SLC9A9: variants seen among roughly 807,000 people sequenced by gnomAD.
SLC9A9 encodes the protein sodium/hydrogen exchanger 9.
A neutral mutation model predicts 77.8 loss-of-function variants in SLC9A9; 62 were observed. That is an observed-to-expected ratio of 0.80 (90% CI 0.65 to 0.98). SLC9A9 has a LOEUF of 0.98. Ranked by LOEUF, SLC9A9 falls within the 50% of genes least tolerant of loss-of-function variation. The pLI, the probability that SLC9A9 is intolerant of heterozygous loss-of-function variation, is 0.00. For synonymous variants in SLC9A9, 320 were observed against 283.5 expected (o/e 1.13, Z -1.29); for missense variants, 775 against 774.9 (o/e 1.00, Z 0.00).
chr3:143,559,237 C>T (rs2037041192), intron 8 of SLC9A9, among the ~76,000 whole-genome samples: 1 of 152,076 alleles, frequency 6.6e-6, no homozygotes, highest in African/African-American at 2.4e-5. Context: ...AATACACAGC[C>T]TTTATATTGG....
chr3:143,717,052 C>T (rs1934375080), intron 4 of SLC9A9, among the ~76,000 whole-genome samples: 1 of 152,124 alleles, frequency 6.6e-6, no homozygotes. Flanking sequence ...AAAAGACTTC[C>T]CTGAGAGCCT....
chr3:143,829,900 G>A (rs570547915), intron 2 of SLC9A9, among the ~76,000 whole-genome samples: 53 of 152,216 alleles, frequency 3.5e-4, no homozygotes, highest in African/African-American at 1.2e-3. Context: ...TGCAGAATAG[G>A]TTTTAAGCTC....
intron 14 of SLC9A9, among the ~76,000 whole-genome samples, chr3:143,351,944 A>G (rs2032465920): frequency 6.6e-6 from 1 of 152,048 alleles, no homozygotes. Flanking sequence ...AAGGGGGAAA[A>G]AAAGGAAAAA....
chr3:143,792,754 C>T (rs545756256), intron 4 of SLC9A9, among the ~76,000 whole-genome samples: 110 of 152,314 alleles, frequency 7.2e-4, no homozygotes, highest in Non-Finnish European at 1.3e-3. Context: ...TTTCACCAAG[C>T]TAATGACTCT....
Position 143,832,231 on chromosome 3 carries a change from A to C in SLC9A9, c.176-10T>G, listed in dbSNP as rs1485596898. On this transcript the variant is annotated splice_polypyrimidine_tract_variant and intron_variant, in intron 1 of 15. Coordinates refer to ENST00000316549, the MANE Select transcript of SLC9A9 (RefSeq NM_173653.4). Reference sequence around the variant, plus strand: ...AGTCCCATTATAAGGCCTAAAAAAAAAAGAATAAATAATGGTACTGGAGGA... The same window carrying C: ...AGTCCCATTATAAGGCCTAAAAAAACAAGAATAAATAATGGTACTGGAGGA... 4 of 1,607,748 alleles carry C rather than the reference A, an allele frequency of 2.5e-6. No individual in the cohort carries two copies. Among genetic ancestry groups the C allele is most frequent in the Non-Finnish European group, 3.4e-6 (4 of 1,177,476 alleles).
At chr3:143,606,426 C>CTA (rs1341835201) in intron 6 of SLC9A9, among the ~76,000 whole-genome samples, 5 of 73,980 alleles carry the variant, frequency 6.8e-5, no homozygotes, top group East Asian at 4.8e-4. Context: ...CTCTCTCTCT[C>CTA]TCTCTCTCTC....
At chr3:143,750,263 T>G (rs1382271570) in intron 4 of SLC9A9, among the ~76,000 whole-genome samples, 1 of 152,246 alleles carries the variant, frequency 6.6e-6, no homozygotes. Flanking sequence ...TAACTTTCAG[T>G]GGAGGCTTTA....
chr3:143,493,347 T>C (rs1314374221), intron 11 of SLC9A9, among the ~76,000 whole-genome samples: 1 of 152,130 alleles, frequency 6.6e-6, no homozygotes. Flanking sequence ...ATAATTCAAA[T>C]TCCCCAGTAT....
chr3:143,362,089 A>C (rs1245496907), intron 14 of SLC9A9, among the ~76,000 whole-genome samples: 7 of 152,140 alleles, frequency 4.6e-5, no homozygotes, highest in Non-Finnish European at 1.0e-4. Flanking sequence ...AGGAGCAAAA[A>C]CCAGCAATAA....
chr3:143,473,759 A>G (rs1227839258), intron 11 of SLC9A9, among the ~76,000 whole-genome samples: 2 of 152,214 alleles, frequency 1.3e-5, no homozygotes, highest in African/African-American at 2.4e-5. Context: ...ATCTCCTTAC[A>G]TAGTTCTTAT....
chr3:143,763,301 T>C (rs575688943), intron 4 of SLC9A9, among the ~76,000 whole-genome samples: 1 of 152,290 alleles, frequency 6.6e-6, no homozygotes. Flanking sequence ...GCCATTTAGT[T>C]CACAGCCTTA....
chr3:143,540,415 T>C lies in SLC9A9; in HGVS notation c.1089+11947A>G, dbSNP rs113105481. 5.3e-5 allele frequency among the ~76,000 whole-genome samples: 8 copies of C among 152,264 alleles called. 1 individual carries two copies. Among genetic ancestry groups the C allele is most frequent in the African/African-American group, 1.9e-4 (8 of 41,544 alleles). On this transcript the variant is annotated intron_variant, in intron 9 of 15. Coordinates refer to ENST00000316549, the MANE Select transcript of SLC9A9 (RefSeq NM_173653.4). ...ACCTATTAAGGCCCTCTCAGGGTTGTAGTAAAGCAGGGAAATAAAAAAATG... is the reference window on the plus strand; with the variant it reads ...ACCTATTAAGGCCCTCTCAGGGTTGCAGTAAAGCAGGGAAATAAAAAAATG...
intron 8 of SLC9A9, among the ~76,000 whole-genome samples, chr3:143,567,418 T>C (rs1184710268): frequency 1.3e-5 from 2 of 152,176 alleles, no homozygotes; most frequent in Non-Finnish European, 2.9e-5. Context: ...TCCATTTCTC[T>C]GTACATACTC....
At chr3:143,566,161 T>G (rs763307893) in intron 8 of SLC9A9, among the ~76,000 whole-genome samples, 4 of 152,166 alleles carry the variant, frequency 2.6e-5, no homozygotes, top group Non-Finnish European at 5.9e-5. Context: ...CCTTATCTAT[T>G]GCAAAATAGA....
intron 11 of SLC9A9, among the ~76,000 whole-genome samples, chr3:143,478,067 C>G (rs1576524273): frequency 6.6e-6 from 1 of 152,184 alleles, no homozygotes. Flanking sequence ...CCCCAAGCCA[C>G]CCTAATCTAA....
intron 4 of SLC9A9, among the ~76,000 whole-genome samples, chr3:143,718,443 T>C (rs1934411274): frequency 6.6e-6 from 1 of 152,238 alleles, no homozygotes; most frequent in Non-Finnish European, 1.5e-5. Context: ...AGAACATTTC[T>C]GCCTTTGTTA....
At chr3:143,690,141 G>A (rs929710912) in intron 5 of SLC9A9, among the ~76,000 whole-genome samples, 5 of 151,634 alleles carry the variant, frequency 3.3e-5, no homozygotes, top group African/African-American at 1.2e-4. Context: ...AAAATCTTAA[G>A]CAGTTTTTAG....
chr3:143,533,489 T>G (rs1392858547), intron 9 of SLC9A9, among the ~76,000 whole-genome samples: 2 of 152,052 alleles, frequency 1.3e-5, no homozygotes, highest in Non-Finnish European at 2.9e-5. Context: ...CCAAAAAAGA[T>G]GAAGACACAA....
chr3:143,798,011 C>T (rs1160624929), intron 2 of SLC9A9, among the ~76,000 whole-genome samples: 5 of 152,194 alleles, frequency 3.3e-5, no homozygotes, highest in African/African-American at 4.8e-5. Flanking sequence ...CTCTTTGCTC[C>T]GTGAGAAAGA....
Sources: gnomAD v4.1 joint callset for allele counts (sites outside exome capture counted in the v4.1 genomes callset) on GRCh38, gnomAD v4.1.1 for gene constraint, MANE v1.5 for transcripts, NCBI Gene and HGNC (gene_info 2026-07-23, HGNC 2026-07-21) for gene names.